The following C15orf40 variants were observed in gnomAD, a reference collection of about 807,000 sequenced individuals.
The protein encoded by C15orf40 is UPF0235 protein C15orf40.
Under a neutral mutation model 13.9 loss-of-function variants are expected in C15orf40, and 9 were observed. The ratio of observed to expected loss-of-function variants is 0.65; its 90% CI spans 0.39 to 1.13. The LOEUF is 1.13. C15orf40 is among the 50% of genes most tolerant of loss of function. C15orf40 has a pLI of 0.01. For missense variants in C15orf40, 225 were observed against 188.5 expected (o/e 1.19, Z -1.13); for synonymous variants, 95 against 69.2 (o/e 1.37, Z -1.85).
chr15:82,989,269 G>A, downstream of C15orf40: 1 of 1,459,626 alleles, frequency 6.9e-7, no homozygotes, highest in Non-Finnish European at 9.2e-7. Flanking sequence ...GGCCAGTGAG[G>A]GCAGGGACCA....
rs2031350900 is a variant in C15orf40, at chr15:83,000,067, A to C, written c.*5530T>G. 1.3e-5 allele frequency: 2 copies of C among 152,110 alleles called. No homozygotes were observed. The highest frequency in any genetic ancestry group is 2.9e-5 in the Non-Finnish European group (2 of 68,038). The allele number at this position is 152,110 out of a possible 1,614,324, so 9.4% of individuals were successfully genotyped here. ...CCTGCAGCAGAAATGGGAGCTATAG[A>C]TGGTCATAGCTCCCTTACCCTGGCC... On this transcript the variant is annotated 3_prime_UTR_variant, in exon 4 of 4. Transcript: ENST00000304177.
Position 83,006,372 on chromosome 15 carries a change from C to T in C15orf40, c.367-680G>A, listed in dbSNP as rs1028318368. 1.3e-5 allele frequency: 13 copies of T among 979,708 alleles called. No homozygotes were observed. The African/African-American group carries it at 2.1e-4, about 16-fold the overall frequency. 60.7% of individuals were successfully genotyped at this position (979,708 alleles called of 1,614,324 possible). ...AATAATTATAAATATAAACAAATTG[C>T]TATTCTCTATGTTGTTAAACATTTC... is the stretch of plus-strand genomic sequence containing the variant. On this transcript the variant is annotated intron_variant, in intron 3 of 3. Transcript: ENST00000304177.
At chr15:82,992,026 G>T, downstream of C15orf40, 1 of 703,014 alleles carries the variant, frequency 1.4e-6, no homozygotes, top group Non-Finnish European at 2.2e-6. Flanking sequence ...GGCCAGCCTG[G>T]GCAATGTAGC....
intron 2 of C15orf40, 56 bp downstream of exon 2, chr15:83,010,180 AG>A: frequency 6.3e-7 from 1 of 1,599,778 alleles, no homozygotes; most frequent in Non-Finnish European, 8.5e-7. Flanking sequence ...AAAGCAAAGG[AG>A]GGCTGTAGGA....
At chr15:83,008,484 A>G (rs2031817050) in intron 3 of C15orf40, 64 bp downstream of exon 3, 3 of 1,556,568 alleles carry the variant, frequency 1.9e-6, no homozygotes, top group East Asian at 2.3e-5. Flanking sequence ...ACGCCACTGC[A>G]CTCCAGCTTG....
rs935991741 is a variant in C15orf40, at chr15:82,999,329, A to G, written c.*6268T>C. On this transcript the variant is annotated 3_prime_UTR_variant, in exon 4 of 4. Coordinates refer to ENST00000304177, the MANE Select transcript of C15orf40 (RefSeq NM_144597.3). ...TGCCTCAGCCTCGCAAGTAGCTGAG[A>G]CTACAGGCACACACCACCATGCCTA... 2 of 152,052 alleles carry G rather than the reference A, an allele frequency of 1.3e-5. No homozygotes were observed. The highest frequency in any genetic ancestry group is 4.8e-5 in the African/African-American group (2 of 41,314). 9.4% of individuals were successfully genotyped at this position (152,052 alleles called of 1,614,324 possible).
intron 1 of C15orf40, 148 bp downstream of exon 1, chr15:83,011,349 G>A (rs1279649742): frequency 1.2e-6 from 1 of 836,840 alleles, no homozygotes; most frequent in Non-Finnish European, 1.7e-6. Flanking sequence ...CAGCTCTGGG[G>A]GTGGCGGCGG....
At chr15:83,006,256 A>T in intron 3 of C15orf40, 4 of 538,304 alleles carry the variant, frequency 7.4e-6, no homozygotes, top group Non-Finnish European at 7.1e-6. Flanking sequence ...CTAAAAAATG[A>T]TATTCTAGTC....
In C15orf40 at chr15:82,998,242, A is replaced by C. The variant is rs1305299677; in HGVS notation, c.*7355T>G. ...GCTGACCCCCCCACCTCCCTCCCGG[A>C]TGGGGTGGCTGGCCGGGCGGGGGAC... On this transcript the variant is annotated 3_prime_UTR_variant, in exon 4 of 4. Transcript: ENST00000304177. The C allele has an allele frequency of 2.7e-5, 4 of 145,914 alleles. No homozygotes were observed. Among genetic ancestry groups the C allele is most frequent in the East Asian group, 2.2e-4 (1 of 4,616 alleles). The allele number at this position is 145,914 out of a possible 1,614,324, so 9.0% of individuals were successfully genotyped here.
Position 83,005,627 on chromosome 15 carries a change from C to T in C15orf40, c.432G>A (p.Glu144=). The change falls in exon 4 of 4, where the codon GAG becomes GAA. Residue 144 remains glutamate (E), a synonymous_variant. Transcript: ENST00000304177. ...LASTTPEEIL[E]KLKKEAKKT ...TTTTTTTGGCTTCCTTTTTTAATTT[C>T]TCCAAGATCTCTTCTGGAGTTGTAG... The T allele has an allele frequency of 6.2e-7, 1 of 1,611,656 alleles. No homozygotes were observed. The highest frequency in any genetic ancestry group is 8.5e-7 in the Non-Finnish European group (1 of 1,178,866).
In C15orf40 at chr15:83,002,007, A is replaced by C. The variant is rs2031440210; in HGVS notation, c.*3590T>G. Reference sequence around the variant, plus strand: ...ACTGCAGCTTCTGATTCCCGGGTTCAAGCAATTCTCCTGCTTCAGCCTCCC... The same window carrying C: ...ACTGCAGCTTCTGATTCCCGGGTTCCAGCAATTCTCCTGCTTCAGCCTCCC... On this transcript the variant is annotated 3_prime_UTR_variant, in exon 4 of 4. Transcript: ENST00000304177. 6.6e-6 allele frequency: 1 copy of C among 152,298 alleles called. No homozygotes were observed. 9.4% of individuals were successfully genotyped at this position (152,298 alleles called of 1,614,324 possible).
downstream of C15orf40, chr15:82,989,254 T>C: frequency 6.4e-7 from 1 of 1,550,760 alleles, no homozygotes; most frequent in East Asian, 2.3e-5. Context: ...TCTGCTAGAC[T>C]GGAAGGCCAG....
chr15:83,008,424 CAGG>C (rs757360874), intron 3 of C15orf40, 121 bp downstream of exon 3: 21 of 954,564 alleles, frequency 2.2e-5, no homozygotes, highest in Admixed American at 8.6e-5. Flanking sequence ...GAAGCTGAGG[CAGG>C]AGAATAGCTT....
rs1254314776 is a variant in C15orf40 at position 82,998,026 on chromosome 15, C to G, written c.*7571G>C. The G allele has an allele frequency of 6.9e-6, 1 of 144,880 alleles. No individual in the cohort carries two copies. Among genetic ancestry groups the G allele is most frequent in the Non-Finnish European group, 1.5e-5 (1 of 66,082 alleles). 9.0% of individuals were successfully genotyped at this position (144,880 alleles called of 1,614,324 possible). On this transcript the variant is annotated 3_prime_UTR_variant, in exon 4 of 4. Coordinates refer to ENST00000304177, the MANE Select transcript of C15orf40 (RefSeq NM_144597.3). Reference sequence around the variant, plus strand: ...AGGCGGGGGGCTGACCCCCCCACCTCCCTCCCGGACGGGGCGGCTGACCCC... The same window carrying G: ...AGGCGGGGGGCTGACCCCCCCACCTGCCTCCCGGACGGGGCGGCTGACCCC...
chr15:83,009,482 G>T (rs2031878598), intron 2 of C15orf40, among the ~76,000 whole-genome samples: 1 of 152,174 alleles, frequency 6.6e-6, no homozygotes, highest in Non-Finnish European at 1.5e-5. Flanking sequence ...CAATGTTGTG[G>T]TTTTCCTTTC....
In C15orf40 at chr15:83,005,474, G is replaced by A; in HGVS notation, c.*123C>T. On this transcript the variant is annotated 3_prime_UTR_variant, in exon 4 of 4. Transcript: ENST00000304177. ...TAATTTTGTATTTTTCGTAGAGATG[G>A]GGTTTCACCATGTTGGTCAGGCTGG... 1.1e-6 allele frequency: 1 copy of A among 869,606 alleles called. No homozygotes were observed. The highest frequency in any genetic ancestry group is 1.6e-6 in the Non-Finnish European group (1 of 613,544). 53.9% of individuals were successfully genotyped at this position (869,606 alleles called of 1,614,324 possible).
chr15:82,993,649 T>A (rs955474093), downstream of C15orf40, among the ~76,000 whole-genome samples: 1 of 151,970 alleles, frequency 6.6e-6, no homozygotes, highest in Non-Finnish European at 1.5e-5. Context: ...CCCGTCTCTA[T>A]GAAAAATACA....
At chr15:83,010,413 C>T in intron 1 of C15orf40, 50 bp from the exon 2 acceptor site, 1 of 1,606,788 alleles carries the variant, frequency 6.2e-7, no homozygotes, top group South Asian at 1.1e-5. Context: ...TTTTCCCACA[C>T]ATTTAATTTG....
In C15orf40 at chr15:83,011,614, C is replaced by T; in HGVS notation, c.-7G>A. Reference sequence around the variant, plus strand: ...CGCTGCGGAGCCGCAGCATCCCCGCCTGGGAAGGCGCCGGAAGAGCCCTCT... The same window carrying T: ...CGCTGCGGAGCCGCAGCATCCCCGCTTGGGAAGGCGCCGGAAGAGCCCTCT... On this transcript the variant is annotated 5_prime_UTR_variant, in exon 1 of 4. Coordinates refer to ENST00000304177, the MANE Select transcript of C15orf40 (RefSeq NM_144597.3). 6.4e-7 allele frequency: 1 copy of T among 1,569,310 alleles called. No individual in the cohort carries two copies. Among genetic ancestry groups the T allele is most frequent in the Non-Finnish European group, 8.6e-7 (1 of 1,162,030 alleles).
Sources: gnomAD v4.1 joint callset for allele counts (sites outside exome capture counted in the v4.1 genomes callset) on GRCh38, gnomAD v4.1.1 for gene constraint, MANE v1.5 for transcripts, NCBI Gene and HGNC (gene_info 2026-07-23, HGNC 2026-07-21) for gene names.